RNF217: variants seen among roughly 807,000 people sequenced by gnomAD.
RNF217 encodes the protein ring finger protein 217.
A neutral mutation model predicts 57.8 loss-of-function variants in RNF217; 31 were observed. The observed-to-expected ratio is 0.54, with a 90% CI of 0.40 to 0.72. RNF217 has a LOEUF of 0.72. Ranked by LOEUF, RNF217 falls within the 30% of genes least tolerant of loss-of-function variation. RNF217 has a pLI of 0.00. For missense variants in RNF217, 696 were observed against 708.3 expected (o/e 0.98, Z 0.20); for synonymous variants, 313 against 294.0 (o/e 1.06, Z -0.66).
chr6:125,076,650 G>A lies in RNF217; in HGVS notation c.1282-7G>A. On this transcript the variant is annotated splice_region_variant and splice_polypyrimidine_tract_variant and intron_variant, in intron 3 of 5. Transcript: ENST00000521654. ...TTTCCTTCTCCTTCCCTCTCTTGCT[G>A]ATACAGATCCACATCCAGCGAACTG... is the stretch of plus-strand genomic sequence containing the variant. 1 of 1,602,548 alleles carries A rather than the reference G, an allele frequency of 6.2e-7. No individual in the cohort carries two copies. Among genetic ancestry groups the A allele is most frequent in the East Asian group, 2.2e-5 (1 of 44,796 alleles).
At chr6:125,048,433 G>T (rs1787179676) in intron 2 of RNF217, among the ~76,000 whole-genome samples, 3 of 152,026 alleles carry the variant, frequency 2.0e-5, no homozygotes, top group African/African-American at 7.2e-5. Context: ...TGCTGCTAAT[G>T]TCTGACGTTT....
intron 1 of RNF217, among the ~76,000 whole-genome samples, chr6:124,985,796 G>A (rs1784346499): frequency 6.6e-6 from 1 of 152,048 alleles, no homozygotes; most frequent in Non-Finnish European, 1.5e-5. Flanking sequence ...TTATCTCTAA[G>A]GTTGTACTTT....
In RNF217 at chr6:125,092,052, T is replaced by C. The variant is rs1023116801; in HGVS notation, c.*9115T>C. 12 of 152,064 alleles carry C rather than the reference T, an allele frequency of 7.9e-5. No homozygotes were observed. Among genetic ancestry groups the C allele is most frequent in the African/African-American group, 2.2e-4 (9 of 41,400 alleles). The allele number at this position is 152,064 out of a possible 1,614,324, so 9.4% of individuals were successfully genotyped here. A position where few individuals can be genotyped will look rare whatever the true frequency, so the allele number is the denominator to read the frequency against. ...CAAAGACAGGTTGTATATGCAGTTATGTGTAAATATTTGACAAAGAAAAAA... is the reference window on the plus strand; with the variant it reads ...CAAAGACAGGTTGTATATGCAGTTACGTGTAAATATTTGACAAAGAAAAAA... On this transcript the variant is annotated 3_prime_UTR_variant, in exon 6 of 6. Transcript: ENST00000521654.
intron 3 of RNF217, among the ~76,000 whole-genome samples, chr6:125,064,573 CAGA>C: frequency 6.6e-6 from 1 of 152,048 alleles, no homozygotes; most frequent in African/African-American, 2.4e-5. Context: ...TGTAAATACT[CAGA>C]TATCATCAAA....
chr6:125,061,908 G>T (rs1787749612), intron 3 of RNF217, among the ~76,000 whole-genome samples: 2 of 151,414 alleles, frequency 1.3e-5, no homozygotes, highest in East Asian at 1.9e-4. Flanking sequence ...TTATTTTAGT[G>T]CTTATTATGC....
chr6:124,993,848 T>C (rs1285695168), intron 1 of RNF217, among the ~76,000 whole-genome samples: 1 of 152,114 alleles, frequency 6.6e-6, no homozygotes, highest in Admixed American at 6.5e-5. Flanking sequence ...TGAAAGAGCA[T>C]ACTTCTTCAG....
chr6:124,997,952 A>G (rs1305058152), intron 1 of RNF217, among the ~76,000 whole-genome samples: 3 of 152,074 alleles, frequency 2.0e-5, no homozygotes, highest in African/African-American at 7.2e-5. Context: ...CAAAATTTCC[A>G]TGTTGAATCC....
chr6:125,061,669 GT>G (rs1300456320), intron 3 of RNF217, among the ~76,000 whole-genome samples: 1 of 150,278 alleles, frequency 6.7e-6, no homozygotes, highest in Non-Finnish European at 1.5e-5. Context: ...GTATTGTTTA[GT>G]TTTTTTATTT....
At chr6:125,030,446 A>G (rs1331717798) in intron 1 of RNF217, among the ~76,000 whole-genome samples, 2 of 152,176 alleles carry the variant, frequency 1.3e-5, no homozygotes, top group Admixed American at 1.3e-4. Context: ...AATCAAAAGC[A>G]AGCTAGTTAC....
chr6:125,082,408 T>TGCA, intron 5 of RNF217: 1 of 1,534,916 alleles, frequency 6.5e-7, no homozygotes, highest in South Asian at 1.2e-5. Flanking sequence ...CAATGTGAGT[T>TGCA]AGGACATTAT....
chr6:125,016,714 C>G (rs776272719), intron 1 of RNF217, among the ~76,000 whole-genome samples: 22 of 150,240 alleles, frequency 1.5e-4, no homozygotes, highest in Non-Finnish European at 2.2e-4. Flanking sequence ...TGTTCTCACT[C>G]ATAAGTGGGA....
Position 125,084,202 on chromosome 6 carries a change from C to T in RNF217, c.*1265C>T, listed in dbSNP as rs1162407805. The T allele has an allele frequency of 2.6e-5, 4 of 151,850 alleles. No individual in the cohort carries two copies. Among genetic ancestry groups the T allele is most frequent in the African/African-American group, 9.7e-5 (4 of 41,368 alleles). 9.4% of individuals were successfully genotyped at this position (151,850 alleles called of 1,614,324 possible). On this transcript the variant is annotated 3_prime_UTR_variant, in exon 6 of 6. Coordinates refer to ENST00000521654, the MANE Select transcript of RNF217 (RefSeq NM_001286398.3). ...TGCTCAAACATAATATTTTTGGGGA[C>T]ACCTTCTTATGGAGGAGTTTGAAAA...
intron 1 of RNF217, among the ~76,000 whole-genome samples, chr6:125,027,969 A>G (rs1786180783): frequency 6.6e-6 from 1 of 151,878 alleles, no homozygotes; most frequent in Non-Finnish European, 1.5e-5. Context: ...TTTTTTAATC[A>G]GATTATTAGA....
chr6:125,037,515 T>A (rs910214621), intron 1 of RNF217, among the ~76,000 whole-genome samples: 5 of 152,174 alleles, frequency 3.3e-5, no homozygotes, highest in Admixed American at 2.0e-4. Flanking sequence ...CTTGATTTTT[T>A]AAATCATTTT....
intron 3 of RNF217, among the ~76,000 whole-genome samples, chr6:125,066,801 T>C: frequency 6.6e-6 from 1 of 152,212 alleles, no homozygotes; most frequent in East Asian, 1.9e-4. Context: ...AGGCTTTGGA[T>C]AGCACTAAAT....
Position 124,963,285 on chromosome 6 carries a change from C to T in RNF217, c.741C>T (p.Gly247=), listed in dbSNP as rs1352537372. Residue 247 remains glycine, a synonymous_variant, in exon 1 of 6, where the codon GGC becomes GGT. Transcript: ENST00000521654. ...TGTTGGGAGCTCCACCCTACTCTGG[C>T]CTGGGCGGTGTAGGGGATCCCTATG... ...PSLLGAPPYS[G]LGGVGDPYVP... 1.3e-6 allele frequency: 2 copies of T among 1,535,906 alleles called. No homozygotes were observed. Among genetic ancestry groups the T allele is most frequent in the East Asian group, 2.4e-5 (1 of 40,888 alleles).
At chr6:125,012,815 G>C (rs764527585) in intron 1 of RNF217, among the ~76,000 whole-genome samples, 1 of 151,978 alleles carries the variant, frequency 6.6e-6, no homozygotes, top group South Asian at 2.1e-4. Flanking sequence ...GTTCATCTTT[G>C]AATTTCTTAT....
At chr6:125,043,664 G>A (rs1786974511) in intron 1 of RNF217, among the ~76,000 whole-genome samples, 1 of 152,038 alleles carries the variant, frequency 6.6e-6, no homozygotes, top group Non-Finnish European at 1.5e-5. Context: ...GTTTTGTCTT[G>A]AGGCAGAACA....
intron 3 of RNF217, among the ~76,000 whole-genome samples, chr6:125,076,330 C>T (rs1788368777): frequency 6.6e-6 from 1 of 152,152 alleles, no homozygotes; most frequent in Admixed American, 6.5e-5. Flanking sequence ...ACTTTCAAAG[C>T]ATTTTAAATT....
Sources: gnomAD v4.1 joint callset for allele counts (sites outside exome capture counted in the v4.1 genomes callset) on GRCh38, gnomAD v4.1.1 for gene constraint, MANE v1.5 for transcripts, NCBI Gene and HGNC (gene_info 2026-07-23, HGNC 2026-07-21) for gene names.